The following LRRTM4 variants were observed in gnomAD, a reference collection of about 807,000 sequenced individuals.
LRRTM4 encodes the protein leucine-rich repeat transmembrane neuronal protein 4.
A neutral mutation model predicts 47.6 loss-of-function variants in LRRTM4; 25 were observed. The ratio of observed to expected loss-of-function variants is 0.53; its 90% CI spans 0.38 to 0.73. LRRTM4 has a LOEUF of 0.73. Among genes scored for constraint, LRRTM4 ranks in the 30% least tolerant of loss-of-function variants. The pLI, the probability that LRRTM4 is intolerant of heterozygous loss-of-function variation, is 0.00. For missense variants in LRRTM4, 638 were observed against 713.4 expected (o/e 0.89, Z 1.20); for synonymous variants, 311 against 269.5 (o/e 1.15, Z -1.51).
intron 3 of LRRTM4, among the ~76,000 whole-genome samples, chr2:76,930,031 T>C (rs1674718715): frequency 6.6e-6 from 1 of 151,858 alleles, no homozygotes; most frequent in African/African-American, 2.4e-5. Context: ...TCTCTGGTGG[T>C]TATTTTTATT....
At chr2:76,941,712 T>C (rs560844634) in intron 3 of LRRTM4, among the ~76,000 whole-genome samples, 7 of 152,332 alleles carry the variant, frequency 4.6e-5, no homozygotes, top group East Asian at 1.9e-4. Context: ...CAGTCTAACA[T>C]TGATGGACAT....
intron 3 of LRRTM4, among the ~76,000 whole-genome samples, chr2:76,931,857 G>A (rs896613743): frequency 2.0e-5 from 3 of 152,042 alleles, no homozygotes; most frequent in African/African-American, 7.2e-5. Context: ...TGATTAATTA[G>A]AACCCTAAAA....
chr2:77,127,262 C>T (rs1328060154), intron 3 of LRRTM4, among the ~76,000 whole-genome samples: 1 of 152,208 alleles, frequency 6.6e-6, no homozygotes, highest in African/African-American at 2.4e-5. Context: ...TAGCTTTTCT[C>T]ACATACTTTT....
intron 3 of LRRTM4, among the ~76,000 whole-genome samples, chr2:77,440,655 G>A (rs571201549): frequency 5.3e-5 from 8 of 152,088 alleles, no homozygotes; most frequent in Non-Finnish European, 1.2e-4. Context: ...ATTAATTAAC[G>A]GACACTGAAA....
At chr2:77,045,591 T>C (rs1367651352) in intron 3 of LRRTM4, among the ~76,000 whole-genome samples, 3 of 151,896 alleles carry the variant, frequency 2.0e-5, no homozygotes, top group Non-Finnish European at 2.9e-5. Context: ...GCTACTCTCC[T>C]GATAGTGAGT....
intron 3 of LRRTM4, among the ~76,000 whole-genome samples, chr2:76,936,630 T>C (rs1674960215): frequency 6.7e-6 from 1 of 148,864 alleles, no homozygotes; most frequent in Non-Finnish European, 1.5e-5. Context: ...CTTGCAGTGA[T>C]ACTCACTCTT....
chr2:77,081,247 A>AACACACACACAC lies in LRRTM4; in HGVS notation c.1552-332343_1552-332332dup, dbSNP rs58897041. On this transcript the variant is annotated intron_variant, in intron 3 of 3. Transcript: ENST00000409884. ...CCAGCACCGAAAAATACCTGACAGCAACACACACACACACACACACACACA... is the reference window on the plus strand; with the variant it reads ...CCAGCACCGAAAAATACCTGACAGCAACACACACACACACACACACACACACACACACACACA... 3.4e-3 allele frequency among the ~76,000 whole-genome samples: 476 copies of AACACACACACAC among 139,974 alleles called. 4 individuals are homozygous for AACACACACACAC. Among genetic ancestry groups the AACACACACACAC allele is most frequent in the Non-Finnish European group, 5.4e-3 (342 of 63,850 alleles). 91.8% of individuals were successfully genotyped at this position (139,974 alleles called of 152,430 possible).
intron 3 of LRRTM4, among the ~76,000 whole-genome samples, chr2:76,794,870 C>T (rs1275230018): frequency 6.8e-6 from 1 of 146,702 alleles, no homozygotes; most frequent in Non-Finnish European, 1.5e-5. Flanking sequence ...AGAGGGCCAA[C>T]ATTTTTCTGA....
intron 3 of LRRTM4, among the ~76,000 whole-genome samples, chr2:77,052,504 T>C (rs928872677): frequency 6.6e-6 from 1 of 151,972 alleles, no homozygotes; most frequent in Non-Finnish European, 1.5e-5. Context: ...TAATCAAATA[T>C]ATAAAAGTGA....
chr2:76,762,657 T>C (rs1010184051), intron 3 of LRRTM4, among the ~76,000 whole-genome samples: 1 of 152,124 alleles, frequency 6.6e-6, no homozygotes, highest in African/African-American at 2.4e-5. Context: ...GCAAAACTCA[T>C]TGATTTAGAC....
intron 3 of LRRTM4, among the ~76,000 whole-genome samples, chr2:77,023,718 C>T (rs1038948930): frequency 6.6e-6 from 1 of 152,190 alleles, no homozygotes; most frequent in Admixed American, 6.5e-5. Context: ...TTGAGGCCAC[C>T]TCAACCAGCA....
chr2:77,233,707 C>T (rs1219953474), intron 3 of LRRTM4, among the ~76,000 whole-genome samples: 1 of 152,136 alleles, frequency 6.6e-6, no homozygotes, highest in South Asian at 2.1e-4. Context: ...TAAATCAGAA[C>T]CTCAGAGGAT....
intron 3 of LRRTM4, among the ~76,000 whole-genome samples, chr2:77,461,040 TTTAA>T (rs1467475748): frequency 6.6e-6 from 1 of 152,076 alleles, no homozygotes; most frequent in African/African-American, 2.4e-5. Flanking sequence ...GGCAATCCTT[TTTAA>T]TTAACTTTTT....
At chr2:77,326,540 T>C (rs1276779212) in intron 3 of LRRTM4, among the ~76,000 whole-genome samples, 2 of 152,066 alleles carry the variant, frequency 1.3e-5, no homozygotes, top group Non-Finnish European at 2.9e-5. Context: ...ACTACAGGTA[T>C]GAGCCACCAT....
At chr2:77,190,910 T>C (rs190399402) in intron 3 of LRRTM4, among the ~76,000 whole-genome samples, 27 of 152,306 alleles carry the variant, frequency 1.8e-4, no homozygotes, top group Admixed American at 1.4e-3. Context: ...CCTAATGTAG[T>C]ATGGAACAAG....
chr2:77,408,911 G>A lies in LRRTM4; in HGVS notation c.1551+109407C>T, dbSNP rs933372342. 3.3e-5 allele frequency among the ~76,000 whole-genome samples: 5 copies of A among 152,146 alleles called. No individual in the cohort carries two copies. The East Asian group carries it at 9.6e-4, about 29-fold the overall frequency. On this transcript the variant is annotated intron_variant, in intron 3 of 3. Coordinates refer to ENST00000409884, the MANE Select transcript of LRRTM4 (RefSeq NM_001134745.3). ...AATGTGTCATAAATCACATATACATGTTCTACTATCTGCTAAGACTGATAC... is the reference window on the plus strand; with the variant it reads ...AATGTGTCATAAATCACATATACATATTCTACTATCTGCTAAGACTGATAC...
chr2:76,849,353 G>C (rs182384636), intron 3 of LRRTM4, among the ~76,000 whole-genome samples: 40 of 152,118 alleles, frequency 2.6e-4, no homozygotes, highest in African/African-American at 4.3e-4. Flanking sequence ...CTCACTTCTT[G>C]AAAAATGAAA....
chr2:76,996,270 T>C (rs562407927), intron 3 of LRRTM4, among the ~76,000 whole-genome samples: 4 of 152,076 alleles, frequency 2.6e-5, no homozygotes, highest in Admixed American at 6.6e-5. Context: ...TAGAGAAATA[T>C]GATATCAAAA....
chr2:76,794,275 T>G (rs1334121869), intron 3 of LRRTM4, among the ~76,000 whole-genome samples: 1 of 152,210 alleles, frequency 6.6e-6, no homozygotes, highest in African/African-American at 2.4e-5. Context: ...GAAGGAGCTG[T>G]GTCCTTAGAT....
Sources: gnomAD v4.1 joint callset for allele counts (sites outside exome capture counted in the v4.1 genomes callset) on GRCh38, gnomAD v4.1.1 for gene constraint, MANE v1.5 for transcripts, NCBI Gene and HGNC (gene_info 2026-07-23, HGNC 2026-07-21) for gene names.